The following TBC1D22A variants were observed in gnomAD, a reference collection of about 807,000 sequenced individuals.
The protein encoded by TBC1D22A is putative GTPase activator.
Under a neutral mutation model 60.2 loss-of-function variants are expected in TBC1D22A, and 38 were observed. The observed-to-expected ratio is 0.63, with a 90% CI of 0.49 to 0.83. The LOEUF (loss-of-function observed/expected upper bound fraction) is 0.83, where lower values mean the gene tolerates loss of function less well. Among genes scored for constraint, TBC1D22A ranks in the 40% least tolerant of loss-of-function variants. The pLI, the probability that TBC1D22A is intolerant of heterozygous loss-of-function variation, is 0.00. For missense variants in TBC1D22A, 628 were observed against 701.0 expected (o/e 0.90, Z 1.18); for synonymous variants, 302 against 281.7 (o/e 1.07, Z -0.72).
chr22:46,964,235 G>A (rs372714981), intron 8 of TBC1D22A, among the ~76,000 whole-genome samples: 1 of 152,206 alleles, frequency 6.6e-6, no homozygotes, highest in Non-Finnish European at 1.5e-5. Context: ...AGAACAAGCA[G>A]GGCTGTTTGC....
intron 4 of TBC1D22A, among the ~76,000 whole-genome samples, chr22:46,867,933 T>C (rs2067132305): frequency 6.6e-6 from 1 of 152,212 alleles, no homozygotes; most frequent in Admixed American, 6.5e-5. Context: ...GCTTCTGATG[T>C]TTCTTCTCAC....
intron 8 of TBC1D22A, among the ~76,000 whole-genome samples, chr22:46,916,454 TG>T (rs1312757575): frequency 1.3e-5 from 2 of 152,272 alleles, no homozygotes; most frequent in Non-Finnish European, 2.9e-5. Context: ...AAGGGCAGTT[TG>T]GTCCTGCTGT....
intron 10 of TBC1D22A, among the ~76,000 whole-genome samples, chr22:47,001,299 C>CTT (rs11331060): frequency 1.2e-4 from 16 of 133,900 alleles, no homozygotes; most frequent in Non-Finnish European, 2.4e-4. Context: ...TTCTTTCTTT[C>CTT]TTTTTTTTTT....
At chr22:46,764,776 A>G (rs2083228697) in intron 1 of TBC1D22A, among the ~76,000 whole-genome samples, 1 of 152,238 alleles carries the variant, frequency 6.6e-6, no homozygotes, top group Admixed American at 6.5e-5. Flanking sequence ...TAGTACATTT[A>G]CAAGCCAAGG....
chr22:46,999,728 A>T (rs1039824703), intron 10 of TBC1D22A, among the ~76,000 whole-genome samples: 2 of 152,162 alleles, frequency 1.3e-5, no homozygotes, highest in Non-Finnish European at 2.9e-5. Flanking sequence ...TGCTTAAAGA[A>T]AAAAAAAGCT....
intron 4 of TBC1D22A, among the ~76,000 whole-genome samples, chr22:46,807,771 T>G (rs1457291554): frequency 3.9e-5 from 6 of 152,190 alleles, no homozygotes; most frequent in African/African-American, 1.4e-4. Flanking sequence ...CACACTGCTT[T>G]GCTTACTTTA....
chr22:46,955,002 G>A (rs73186520), intron 8 of TBC1D22A, among the ~76,000 whole-genome samples: 4,110 of 152,250 alleles, frequency 0.027, 82 homozygotes, highest in South Asian at 0.071. Flanking sequence ...TGATGATTAA[G>A]GAAGTTTAAT....
intron 11 of TBC1D22A, among the ~76,000 whole-genome samples, chr22:47,078,254 A>G (rs1294372324): frequency 6.6e-6 from 1 of 151,996 alleles, no homozygotes; most frequent in Non-Finnish European, 1.5e-5. Context: ...CTCTGAGCTC[A>G]CTTCTCTTCC....
At chr22:46,910,322 G>A (rs923996080) in intron 7 of TBC1D22A, among the ~76,000 whole-genome samples, 1 of 152,042 alleles carries the variant, frequency 6.6e-6, no homozygotes, top group East Asian at 1.9e-4. Context: ...TTCACCTGTC[G>A]GTCCCAGGTC....
At chr22:46,871,958 T>A (rs938537065) in intron 4 of TBC1D22A, among the ~76,000 whole-genome samples, 2 of 152,012 alleles carry the variant, frequency 1.3e-5, no homozygotes, top group African/African-American at 4.8e-5. Context: ...AAGTTACCAA[T>A]ATCAGAAATG....
chr22:46,800,351 G>C (rs778644296), intron 4 of TBC1D22A, among the ~76,000 whole-genome samples: 1 of 152,154 alleles, frequency 6.6e-6, no homozygotes, highest in African/African-American at 2.4e-5. Context: ...CACCCACCAA[G>C]ACAGGAGATA....
intron 8 of TBC1D22A, chr22:46,916,132 T>A: frequency 2.3e-6 from 1 of 425,902 alleles, no homozygotes; most frequent in East Asian, 7.1e-5. Flanking sequence ...GTTGTCTCAT[T>A]GCTAAGCAAC....
At chr22:46,767,648 A>G (rs1277273375) in intron 1 of TBC1D22A, among the ~76,000 whole-genome samples, 2 of 152,180 alleles carry the variant, frequency 1.3e-5, no homozygotes, top group Non-Finnish European at 2.9e-5. Context: ...ATGCTGGGAA[A>G]GAGGACTAGG....
At chr22:47,093,928 TA>T (rs2065076099) in intron 11 of TBC1D22A, among the ~76,000 whole-genome samples, 2 of 152,180 alleles carry the variant, frequency 1.3e-5, no homozygotes, top group African/African-American at 4.8e-5. Context: ...AAGAAGGCTT[TA>T]ATTGGGTGCT....
At chr22:46,939,666 G>A (rs1385017390) in intron 8 of TBC1D22A, among the ~76,000 whole-genome samples, 1 of 152,222 alleles carries the variant, frequency 6.6e-6, no homozygotes, top group Non-Finnish European at 1.5e-5. Context: ...GAGCATAGAA[G>A]ATGACTGTCT....
Position 46,911,584 on chromosome 22 carries a change from C to T in TBC1D22A, c.901-490C>T, listed in dbSNP as rs77233525. 4.9e-3 allele frequency among the ~76,000 whole-genome samples: 740 copies of T among 152,222 alleles called. 4 individuals are homozygous for T. Among genetic ancestry groups the T allele is most frequent in the African/African-American group, 0.017 (708 of 41,508 alleles). On this transcript the variant is annotated intron_variant, in intron 7 of 12. Coordinates refer to ENST00000337137, the MANE Select transcript of TBC1D22A (RefSeq NM_014346.5). ...GGGGCTGCTGAAGTGCTGCACATTG[C>T]TTGTGGGACAATAAATAATTTTTTT...
intron 7 of TBC1D22A, among the ~76,000 whole-genome samples, chr22:46,908,910 A>G (rs899103323): frequency 2.2e-4 from 34 of 152,138 alleles, no homozygotes; most frequent in African/African-American, 8.2e-4. Context: ...AACTCGGTCT[A>G]TCTCAGGTAC....
At chr22:46,835,184 C>G (rs1203515807) in intron 4 of TBC1D22A, among the ~76,000 whole-genome samples, 2 of 152,158 alleles carry the variant, frequency 1.3e-5, no homozygotes, top group African/African-American at 4.8e-5. Context: ...ACTGTTACTT[C>G]AAATGCAAAG....
At chr22:46,906,216 C>T (rs1470971555) in intron 7 of TBC1D22A, among the ~76,000 whole-genome samples, 3 of 152,130 alleles carry the variant, frequency 2.0e-5, no homozygotes, top group Non-Finnish European at 4.4e-5. Flanking sequence ...AAATGTAAAT[C>T]GTATATGTTT....
Sources: allele counts gnomAD v4.1 joint callset (sites outside exome capture counted in the v4.1 genomes callset), GRCh38; gene constraint gnomAD v4.1.1; transcripts MANE v1.5; gene names NCBI Gene and HGNC (gene_info 2026-07-23, HGNC 2026-07-21).